Variants in PRDM1 observed in about 807,000 individuals in gnomAD.
PRDM1 encodes the protein PR/SET domain 1.
A neutral mutation model predicts 62.8 loss-of-function variants in PRDM1; 13 were observed. The observed-to-expected ratio is 0.21, with a 90% CI of 0.13 to 0.33. The LOEUF (loss-of-function observed/expected upper bound fraction) is 0.33, where lower values mean the gene tolerates loss of function less well. Ranked by LOEUF, PRDM1 falls within the 10% of genes least tolerant of loss-of-function variation. The pLI is 1.00. For synonymous variants in PRDM1, 396 were observed against 417.6 expected, an observed-to-expected ratio of 0.95 and a Z score of 0.63; for missense variants, 895 against 1,058.8, an observed-to-expected ratio of 0.85 and a Z score of 2.15.
At chr6:106,085,360 G>A (rs1582457440), upstream of PRDM1, among the ~76,000 whole-genome samples, 1 of 152,350 alleles carries the variant, frequency 6.6e-6, no homozygotes, top group East Asian at 1.9e-4. Flanking sequence ...GAAATGGGGT[G>A]TTTGCTATAA....
intron 3 of PRDM1, chr6:106,098,646 G>C: frequency 7.5e-7 from 1 of 1,335,748 alleles, no homozygotes. Flanking sequence ...TGTCAAATTC[G>C]GGCTGCTGCC....
upstream of PRDM1, among the ~76,000 whole-genome samples, chr6:106,044,330 C>T (rs4433011): frequency 0.89 from 135,910 of 152,108 alleles, 60,778 homozygotes; most frequent in South Asian, 0.94. Context: ...AATTAAGTAA[C>T]TAAATGGAAT....
chr6:106,068,473 T>G (rs1191585910), intron 1 of PRDM1, among the ~76,000 whole-genome samples: 1 of 152,182 alleles, frequency 6.6e-6, no homozygotes, highest in African/African-American at 2.4e-5. Flanking sequence ...AATATGTATA[T>G]TCTCCTTCCT....
At chr6:106,097,700 T>C (rs895501055) in intron 3 of PRDM1, among the ~76,000 whole-genome samples, 1 of 152,230 alleles carries the variant, frequency 6.6e-6, no homozygotes, top group African/African-American at 2.4e-5. Flanking sequence ...CCGACATTGC[T>C]GTTTTTAAAT....
intron 1 of PRDM1, among the ~76,000 whole-genome samples, chr6:106,056,707 T>C (rs1773272084): frequency 6.6e-6 from 1 of 152,254 alleles, no homozygotes; most frequent in Non-Finnish European, 1.5e-5. Flanking sequence ...AGAATGACTT[T>C]TTAAAATAAA....
rs562723848 is a variant in PRDM1 at position 106,006,793 on chromosome 6, TGTTCCTC to T, written c.-67+13155_-67+13161del. Among the ~76,000 whole-genome samples the T allele has an allele frequency of 4.7e-4, 72 of 152,042 alleles. 1 individual carries two copies. Among genetic ancestry groups the T allele is most frequent in the African/African-American group, 1.6e-3 (68 of 41,516 alleles). ...AGAATATTGAACTGGAAGGCAGCCATGTTCCTCATGGCTTCTCTACTTTGACAACAGA... is the reference window on the plus strand; with the variant it reads ...AGAATATTGAACTGGAAGGCAGCCATATGGCTTCTCTACTTTGACAACAGA... On this transcript the variant is annotated intron_variant, in intron 1 of 6. Coordinates refer to the PRDM1 transcript ENST00000652320.
At chr6:106,102,643 G>A (rs1476833066) in intron 4 of PRDM1, among the ~76,000 whole-genome samples, 1 of 152,198 alleles carries the variant, frequency 6.6e-6, no homozygotes, top group Non-Finnish European at 1.5e-5. Flanking sequence ...CTGGCTAAAT[G>A]TGAGGGGCAG....
At chr6:106,095,056 C>A (rs1036925271) in intron 2 of PRDM1, among the ~76,000 whole-genome samples, 67 of 146,612 alleles carry the variant, frequency 4.6e-4, no homozygotes, top group East Asian at 3.6e-3. Context: ...AAAAAAAAAA[C>A]ACACACACAC....
upstream of PRDM1, among the ~76,000 whole-genome samples, chr6:106,081,547 T>C (rs564744392): frequency 9.6e-4 from 146 of 152,268 alleles, no homozygotes; most frequent in African/African-American, 3.4e-3. Context: ...TAGAAGGGGA[T>C]ATATGGTCTT....
chr6:106,042,442 G>A (rs185900178), intron 1 of PRDM1, among the ~76,000 whole-genome samples: 37 of 151,532 alleles, frequency 2.4e-4, no homozygotes, highest in Non-Finnish European at 4.3e-4. Flanking sequence ...CAGGAGAATC[G>A]CTTGAACCTG....
At chr6:106,036,552 T>C (rs116938985) in intron 1 of PRDM1, among the ~76,000 whole-genome samples, 2,555 of 152,328 alleles carry the variant, frequency 0.017, 23 homozygotes, top group Middle Eastern at 0.068. Flanking sequence ...CTCTGTGTTA[T>C]TGATGCCACA....
At chr6:106,090,322 G>A (rs1188658401) in intron 2 of PRDM1, among the ~76,000 whole-genome samples, 2 of 152,168 alleles carry the variant, frequency 1.3e-5, no homozygotes, top group African/African-American at 4.8e-5. Context: ...CAATGCCTGT[G>A]TTCCTGAAGA....
chr6:106,011,278 T>C (rs936026482), intron 1 of PRDM1, among the ~76,000 whole-genome samples: 21 of 152,332 alleles, frequency 1.4e-4, no homozygotes, highest in East Asian at 5.8e-4. Context: ...CCTCTGTTGC[T>C]GATTTGGGCC....
chr6:106,101,632 C>T (rs552916081), intron 4 of PRDM1, among the ~76,000 whole-genome samples: 1 of 152,244 alleles, frequency 6.6e-6, no homozygotes, highest in East Asian at 1.9e-4. Context: ...AGTTGTGAAA[C>T]CGGTTGTCTT....
At chr6:106,048,693 T>C (rs760751555) in exon 1 of PRDM1, among the ~76,000 whole-genome samples, 1 of 152,208 alleles carries the variant, frequency 6.6e-6, no homozygotes, top group African/African-American at 2.4e-5. Context: ...ATGTGTTTTA[T>C]GGAATACTGA....
Position 106,106,865 on chromosome 6 carries a change from G to T in PRDM1, c.1903-46G>T. ...CCCGTTGGCAACTCTTAATCTTCTG[G>T]CCTTCCTGTCTCCCTTCCCTGCTGT... On this transcript the variant is annotated intron_variant, in intron 6 of 6. Transcript: ENST00000369096. The surrounding 1 kb of genome is among the most constrained non-coding windows in gnomAD (Gnocchi z 4.4). 1.3e-6 allele frequency: 2 copies of T among 1,546,586 alleles called. No individual in the cohort carries two copies. Among genetic ancestry groups the T allele is most frequent in the African/African-American group, 1.4e-5 (1 of 73,398 alleles).
At chr6:106,086,141 CA>C (rs1773794897), upstream of PRDM1, among the ~76,000 whole-genome samples, 1 of 152,110 alleles carries the variant, frequency 6.6e-6, no homozygotes, top group African/African-American at 2.4e-5. Context: ...TAAGTGCCTT[CA>C]AAGGGAAGTA....
rs1774207036 is a variant in PRDM1, at chr6:106,099,530, A to G, written c.642A>G (p.Gly214=). Residue 214 remains glycine, a synonymous_variant, in exon 4 of 7, where the codon GGA becomes GGG. Transcript: ENST00000369096. Reference sequence around the variant, plus strand: ...AAAGGCTTCACTACCCTTATCCCGGAGAGCTGACAATGATGAATCTCAGTA... The same window carrying G: ...AAAGGCTTCACTACCCTTATCCCGGGGAGCTGACAATGATGAATCTCAGTA... ...FAERLHYPYP[G]ELTMMNLTQT... The G allele has an allele frequency of 9.3e-6, 15 of 1,614,210 alleles. No homozygotes were observed. Among genetic ancestry groups the G allele is most frequent in the Non-Finnish European group, 1.2e-5 (14 of 1,180,022 alleles).
At chr6:106,039,081 T>C (rs977164043) in intron 1 of PRDM1, among the ~76,000 whole-genome samples, 7 of 148,620 alleles carry the variant, frequency 4.7e-5, no homozygotes, top group East Asian at 4.0e-4. Flanking sequence ...AGTATGTATT[T>C]TTAAAACATT....
Sources: allele counts gnomAD v4.1 joint callset (sites outside exome capture counted in the v4.1 genomes callset), GRCh38; gene constraint gnomAD v4.1.1; non-coding constraint Gnocchi (gnomAD v3.1); transcripts MANE v1.5; gene names NCBI Gene and HGNC (gene_info 2026-07-23, HGNC 2026-07-21).